Variants in DCC observed in about 807,000 individuals in gnomAD.
DCC encodes the protein DCC netrin 1 receptor.
Under a neutral mutation model 172.5 loss-of-function variants are expected in DCC, and 58 were observed. That is an observed-to-expected ratio of 0.34 (90% CI 0.27 to 0.42). The LOEUF (loss-of-function observed/expected upper bound fraction) is 0.42, where lower values mean the gene tolerates loss of function less well. DCC is among the 10% of genes least tolerant of loss of function. The pLI is 1.00. For synonymous variants in DCC, 709 were observed against 644.5 expected (o/e 1.10, Z -1.52); for missense variants, 1,740 against 1,791.0 (o/e 0.97, Z 0.51).
chr18:52,886,778 T>C (rs1281511069), intron 2 of DCC, among the ~76,000 whole-genome samples: 2 of 152,178 alleles, frequency 1.3e-5, no homozygotes, highest in Non-Finnish European at 2.9e-5. Context: ...TTTTGGTTCT[T>C]CTGATGGTGC....
chr18:52,797,527 T>C (rs2037898534), intron 2 of DCC, among the ~76,000 whole-genome samples: 1 of 152,228 alleles, frequency 6.6e-6, no homozygotes, highest in Non-Finnish European at 1.5e-5. Context: ...GTGTCAGCGA[T>C]ATCTGGAAGT....
At chr18:53,511,370 G>T (rs904049012) in intron 27 of DCC, among the ~76,000 whole-genome samples, 2 of 152,224 alleles carry the variant, frequency 1.3e-5, no homozygotes, top group Non-Finnish European at 2.9e-5. Flanking sequence ...ACAGTAGAGA[G>T]GTGGCTGGGA....
At chr18:53,469,448 T>G (rs2045667920) in intron 25 of DCC, among the ~76,000 whole-genome samples, 2 of 152,200 alleles carry the variant, frequency 1.3e-5, no homozygotes, top group South Asian at 4.1e-4. Flanking sequence ...ATTCTTACTT[T>G]TCAGATTTCA....
chr18:53,469,162 C>T (rs1388086032), intron 25 of DCC, among the ~76,000 whole-genome samples: 1 of 152,136 alleles, frequency 6.6e-6, no homozygotes, highest in Non-Finnish European at 1.5e-5. Flanking sequence ...TATCTGCAAG[C>T]TTAACTTAGG....
At chr18:52,723,655 T>C (rs59851460) in intron 1 of DCC, among the ~76,000 whole-genome samples, 9,522 of 152,182 alleles carry the variant, frequency 0.063, 971 homozygotes, top group African/African-American at 0.22. Flanking sequence ...TTAGCATGGC[T>C]TTGGAATGTT....
At chr18:53,271,620 G>A (rs1454757270) in intron 12 of DCC, among the ~76,000 whole-genome samples, 1 of 152,120 alleles carries the variant, frequency 6.6e-6, no homozygotes, top group South Asian at 2.1e-4. Context: ...TCATAGCAAG[G>A]CATCTGAATT....
intron 1 of DCC, among the ~76,000 whole-genome samples, chr18:52,446,850 C>T (rs182324745): frequency 6.6e-6 from 1 of 152,318 alleles, no homozygotes; most frequent in East Asian, 1.9e-4. Flanking sequence ...TTGAACAGAA[C>T]CTTGTCTCCA....
At chr18:53,414,363 T>C (rs1468438020) in intron 20 of DCC, among the ~76,000 whole-genome samples, 5 of 152,068 alleles carry the variant, frequency 3.3e-5, no homozygotes, top group African/African-American at 1.2e-4. Context: ...CAATAAATAA[T>C]AATAATAATA....
intron 1 of DCC, among the ~76,000 whole-genome samples, chr18:52,470,792 A>G (rs1319164823): frequency 6.6e-6 from 1 of 152,198 alleles, no homozygotes; most frequent in East Asian, 1.9e-4. Flanking sequence ...TCATCTGTTG[A>G]TCTTTTTAAC....
chr18:52,840,692 C>A (rs2038788600), intron 2 of DCC, among the ~76,000 whole-genome samples: 1 of 152,164 alleles, frequency 6.6e-6, no homozygotes, highest in African/African-American at 2.4e-5. Flanking sequence ...GACTAAAAAT[C>A]TGGCTATCTG....
intron 12 of DCC, among the ~76,000 whole-genome samples, chr18:53,225,421 A>G (rs1379960876): frequency 6.6e-6 from 1 of 152,206 alleles, no homozygotes; most frequent in Non-Finnish European, 1.5e-5. Flanking sequence ...AGAAGAGAGA[A>G]TAGAAAATTG....
chr18:53,341,102 G>A (rs186771949), intron 15 of DCC, among the ~76,000 whole-genome samples: 98 of 152,252 alleles, frequency 6.4e-4, no homozygotes, highest in African/African-American at 2.1e-3. Context: ...GAATGTAAAG[G>A]CAATCACAAA....
chr18:52,596,960 A>G (rs1257655116), intron 1 of DCC, among the ~76,000 whole-genome samples: 2 of 152,020 alleles, frequency 1.3e-5, no homozygotes, highest in East Asian at 3.9e-4. Flanking sequence ...TCTGACCAGT[A>G]CATTCAGCCA....
At chr18:53,403,425 G>A (rs1299955570) in intron 19 of DCC, among the ~76,000 whole-genome samples, 4 of 152,158 alleles carry the variant, frequency 2.6e-5, no homozygotes, top group Admixed American at 6.5e-5. Context: ...TGAACATAAT[G>A]AATATTTCAC....
At chr18:53,498,572 A>G (rs921868546) in intron 26 of DCC, among the ~76,000 whole-genome samples, 3 of 151,660 alleles carry the variant, frequency 2.0e-5, no homozygotes, top group Non-Finnish European at 4.4e-5. Context: ...AAAAAAAAAA[A>G]AAAAGGTGTA....
intron 1 of DCC, among the ~76,000 whole-genome samples, chr18:52,573,592 G>A (rs551898070): frequency 8.7e-4 from 133 of 152,192 alleles, no homozygotes; most frequent in Admixed American, 9.8e-4. Flanking sequence ...ATTTCTGTTC[G>A]TTCTCTTTTA....
chr18:52,473,676 G>A (rs544096202), intron 1 of DCC, among the ~76,000 whole-genome samples: 1 of 152,262 alleles, frequency 6.6e-6, no homozygotes, highest in African/African-American at 2.4e-5. Context: ...GAACAGGATA[G>A]GGGAAACTGC....
At chr18:52,401,107 GATAA>G (rs571188762) in intron 1 of DCC, among the ~76,000 whole-genome samples, 230 of 151,704 alleles carry the variant, frequency 1.5e-3, no homozygotes, top group African/African-American at 5.2e-3. Context: ...GAATAATAAT[GATAA>G]ATAATAATAA....
At chr18:52,909,535 A>G (rs1210037810) in intron 3 of DCC, among the ~76,000 whole-genome samples, 1 of 152,172 alleles carries the variant, frequency 6.6e-6, no homozygotes, top group Admixed American at 6.6e-5. Context: ...TCTAAATAAT[A>G]TTTAATGTAA....
Sources: gnomAD v4.1 joint callset for allele counts (sites outside exome capture counted in the v4.1 genomes callset) on GRCh38, gnomAD v4.1.1 for gene constraint, MANE v1.5 for transcripts, NCBI Gene and HGNC (gene_info 2026-07-23, HGNC 2026-07-21) for gene names.